Variants in RBFOX3 observed in about 807,000 individuals in gnomAD.
The protein encoded by RBFOX3 is RNA binding fox-1 homolog 3.
Under a neutral mutation model 48.7 loss-of-function variants are expected in RBFOX3, and 17 were observed. The observed-to-expected ratio is 0.35, with a 90% CI of 0.24 to 0.52. RBFOX3 has a LOEUF of 0.52. Ranked by LOEUF, RBFOX3 falls within the 20% of genes least tolerant of loss-of-function variation. The pLI is 0.94. For synonymous variants in RBFOX3, 212 were observed against 209.5 expected (o/e 1.01, Z -0.10); for missense variants, 382 against 497.5 (o/e 0.77, Z 2.21).
chr17:79,586,881 C>G (rs996775768), intron 1 of RBFOX3, among the ~76,000 whole-genome samples: 79 of 152,248 alleles, frequency 5.2e-4, no homozygotes, highest in African/African-American at 1.9e-3. Flanking sequence ...CAACTGCTGT[C>G]GATATTCCTT....
At position 79,324,151 on chromosome 17, in the gene RBFOX3, C is replaced by T. The variant is rs114295989; in HGVS notation, c.-174-16327G>A. On this transcript the variant is annotated intron_variant, in intron 2 of 14. Coordinates refer to ENST00000693108, the MANE Select transcript of RBFOX3 (RefSeq NM_001350451.2). ...CTGGGGACTGCCACCCTCTCAGGGC[C>T]TCCCTGCAATAGGAAAGGGCTGAGG... 2.8e-3 allele frequency among the ~76,000 whole-genome samples: 434 copies of T among 152,286 alleles called. 2 individuals carry two copies. Among genetic ancestry groups the T allele is most frequent in the African/African-American group, 0.01 (416 of 41,574 alleles).
intron 2 of RBFOX3, among the ~76,000 whole-genome samples, chr17:79,369,380 C>T (rs1424730665): frequency 2.7e-5 from 4 of 150,076 alleles, no homozygotes; most frequent in East Asian, 1.9e-4. Flanking sequence ...GGACCCTGAC[C>T]GTGACCCTTG....
the RBFOX3 span, among the ~76,000 whole-genome samples, chr17:79,620,065 A>G: frequency 2.3e-4 from 34 of 150,580 alleles, no homozygotes; most frequent in African/African-American, 6.6e-4. Flanking sequence ...ACACATATGT[A>G]CATGCACACA....
intron 4 of RBFOX3, among the ~76,000 whole-genome samples, chr17:79,175,259 C>G (rs552562809): frequency 5.0e-4 from 76 of 152,384 alleles, no homozygotes; most frequent in African/African-American, 1.8e-3. Flanking sequence ...CATTTCCCAA[C>G]TGGCATCCTC....
At chr17:79,216,465 G>C (rs2606191) in intron 4 of RBFOX3, among the ~76,000 whole-genome samples, 66,054 of 151,964 alleles carry the variant, frequency 0.43, 14,482 homozygotes, top group Middle Eastern at 0.48. Context: ...GTGGGGCATT[G>C]TAGGAGCAGC....
rs1306468454 is a variant in RBFOX3 at position 79,311,442 on chromosome 17, A to C, written c.-174-3618T>G. Among the ~76,000 whole-genome samples, 5 of 151,780 alleles carry C rather than the reference A, an allele frequency of 3.3e-5. No individual in the cohort carries two copies. The highest frequency in any genetic ancestry group is 9.7e-5 in the African/African-American group (4 of 41,304). ...GAGCGAGACTCCATCTCCAAAAAAA[A>C]AAAAAAAAAAAACAGACTGCAGCAC... On this transcript the variant is annotated intron_variant, in intron 2 of 14. Coordinates refer to ENST00000693108, the MANE Select transcript of RBFOX3 (RefSeq NM_001350451.2). The surrounding 1 kb of genome is among the most constrained non-coding windows in gnomAD (Gnocchi z 4.2).
chr17:79,458,315 A>G (rs1049635242), intron 2 of RBFOX3, among the ~76,000 whole-genome samples: 3 of 152,230 alleles, frequency 2.0e-5, no homozygotes, highest in Admixed American at 6.5e-5. Flanking sequence ...AGAAATGTAC[A>G]GGTGCCTCGC....
chr17:79,522,757 C>T (rs1029205158), intron 1 of RBFOX3, among the ~76,000 whole-genome samples: 79 of 152,048 alleles, frequency 5.2e-4, no homozygotes, highest in African/African-American at 1.7e-3. Flanking sequence ...TGGTAAAACC[C>T]TGTATCTACT....
chr17:79,379,265 C>T (rs975653024), intron 2 of RBFOX3, among the ~76,000 whole-genome samples: 3 of 152,158 alleles, frequency 2.0e-5, no homozygotes, highest in African/African-American at 7.2e-5. Flanking sequence ...TGGGCCCGCA[C>T]ATTGTGGGGT....
intron 3 of RBFOX3, among the ~76,000 whole-genome samples, chr17:79,261,555 C>T (rs1398427020): frequency 6.6e-6 from 1 of 152,194 alleles, no homozygotes; most frequent in Non-Finnish European, 1.5e-5. Context: ...GCACAGGATT[C>T]CCTGGAGGGC....
intron 2 of RBFOX3, among the ~76,000 whole-genome samples, chr17:79,345,449 G>C (rs2082752142): frequency 6.6e-6 from 1 of 152,170 alleles, no homozygotes; most frequent in South Asian, 2.1e-4. Context: ...TTATGAATAA[G>C]AAGCCTGATG....
intron 2 of RBFOX3, among the ~76,000 whole-genome samples, chr17:79,401,967 G>T (rs1158335243): frequency 6.6e-6 from 1 of 152,220 alleles, no homozygotes; most frequent in Non-Finnish European, 1.5e-5. Flanking sequence ...ACCGCATACG[G>T]CTCTCTTACA....
the RBFOX3 span, among the ~76,000 whole-genome samples, chr17:79,651,100 C>G: frequency 6.6e-6 from 1 of 152,230 alleles, no homozygotes; most frequent in Non-Finnish European, 1.5e-5. Flanking sequence ...ACACGCACTG[C>G]AGGATTGAGT....
At chr17:79,538,516 C>T (rs1185914430) in intron 1 of RBFOX3, among the ~76,000 whole-genome samples, 1 of 152,200 alleles carries the variant, frequency 6.6e-6, no homozygotes, top group East Asian at 1.9e-4. Context: ...AGGCCTGGTT[C>T]CCTGCTCTGG....
intron 3 of RBFOX3, among the ~76,000 whole-genome samples, chr17:79,295,284 G>T (rs2074149512): frequency 6.6e-6 from 1 of 152,220 alleles, no homozygotes; most frequent in South Asian, 2.1e-4. Context: ...GCCCACAGCA[G>T]ATTTTCCATA....
At chr17:79,359,796 G>C (rs1425517593) in intron 2 of RBFOX3, among the ~76,000 whole-genome samples, 1 of 151,830 alleles carries the variant, frequency 6.6e-6, no homozygotes, top group Non-Finnish European at 1.5e-5. Context: ...GGTGATCAAA[G>C]CTCACTACAG....
intron 1 of RBFOX3, chr17:79,601,115 G>A (rs1226864327): frequency 3.9e-5 from 6 of 152,246 alleles, no homozygotes; most frequent in East Asian, 1.9e-4. Flanking sequence ...GAGGGGCCCC[G>A]GCTGGGGCGT....
chr17:79,510,372 G>A (rs964317292), intron 1 of RBFOX3, among the ~76,000 whole-genome samples: 2 of 152,174 alleles, frequency 1.3e-5, no homozygotes, highest in South Asian at 2.1e-4. Flanking sequence ...CGCAGGACAC[G>A]ACAAGGGGCC....
intron 2 of RBFOX3, among the ~76,000 whole-genome samples, chr17:79,321,588 T>C (rs1333872041): frequency 1.3e-5 from 2 of 151,886 alleles, no homozygotes; most frequent in Admixed American, 1.3e-4. Context: ...ACAAGAGAGA[T>C]GTTAGAGGCA....
Sources: gnomAD v4.1 joint callset for allele counts (sites outside exome capture counted in the v4.1 genomes callset) on GRCh38, gnomAD v4.1.1 for gene constraint, Gnocchi (gnomAD v3.1) non-coding constraint, MANE v1.5 for transcripts, NCBI Gene and HGNC (gene_info 2026-07-23, HGNC 2026-07-21) for gene names.